TMPRSS6: variants seen among roughly 807,000 people sequenced by gnomAD.
TMPRSS6 encodes transmembrane serine protease 6.
A neutral mutation model predicts 101.5 loss-of-function variants in TMPRSS6; 67 were observed. The ratio of observed to expected loss-of-function variants is 0.66; its 90% confidence interval spans 0.54 to 0.81. TMPRSS6 has a LOEUF of 0.81. Among genes scored for constraint, TMPRSS6 ranks in the 30% least tolerant of loss-of-function variants. TMPRSS6 has a pLI of 0.00. For missense variants in TMPRSS6, 1,034 were observed against 1,088.7 expected, an observed-to-expected ratio of 0.95 and a Z score of 0.71; for synonymous variants, 453 against 464.9, an observed-to-expected ratio of 0.97 and a Z score of 0.33.
At position 37,074,695 on chromosome 22, in the gene TMPRSS6, CT is replaced by C. The variant is rs1384933966; in HGVS notation, c.1355del (p.Glu452GlyfsTer6). 1.2e-6 allele frequency: 2 copies of C among 1,614,100 alleles called. No homozygotes were observed. The highest frequency in any genetic ancestry group is 2.7e-5 in the African/African-American group (2 of 74,958). On this transcript the variant is annotated frameshift_variant, in exon 12 of 18. Coordinates refer to ENST00000676104, the MANE Select transcript of TMPRSS6 (RefSeq NM_001374504.1). LOFTEE classifies it high-confidence loss of function. ...AGAGTCCATTCACAGAACAGAGGAACTCTCCAGGGCAGGCTGCAAAACCACA... is the reference window on the plus strand; with the variant it reads ...AGAGTCCATTCACAGAACAGAGGAACCTCCAGGGCAGGCTGCAAAACCACA... ...LYNQSDPCPGEFLCSVNGLCV... is the reference protein window; with the variant it reads ...LYNQSDPCPGXFLCSVNGLCV...
chr22:37,089,543 A>AGGCC, intron 7 of TMPRSS6, 35 bp downstream of exon 7: 1 of 1,329,008 alleles, frequency 7.5e-7, no homozygotes, highest in Non-Finnish European at 1.1e-6. Context: ...TCCCTTTTCC[A>AGGCC]GCCCTCCCTC....
intron 10 of TMPRSS6, chr22:37,083,216 G>A (rs1034600077): frequency 1.1e-4 from 42 of 380,306 alleles, no homozygotes; most frequent in African/African-American, 8.3e-4. Flanking sequence ...CTTTCCTGAC[G>A]CTGACACGAT....
rs1049899218 is a variant in TMPRSS6, at chr22:37,073,012, G to T, written c.1555+520C>A. ...GATAGATGGATGATGGATGGATGAT[G>T]GATGGATGGATGGATGATGGACGGA... On this transcript the variant is annotated intron_variant, in intron 13 of 17. Transcript: ENST00000676104. Among the ~76,000 whole-genome samples the T allele has an allele frequency of 1.4e-3, 198 of 142,368 alleles. 1 individual carries two copies. The highest frequency in any genetic ancestry group is 4.2e-3 in the African/African-American group (162 of 38,176). The allele number at this position is 142,368 out of a possible 152,430, so 93.4% of individuals were successfully genotyped here. A position where few individuals can be genotyped will look rare whatever the true frequency, so the allele number is the denominator to read the frequency against.
At chr22:37,068,633 C>G (rs752187370) in intron 16 of TMPRSS6, 14 of 779,678 alleles carry the variant, frequency 1.8e-5, no homozygotes, top group South Asian at 1.7e-4. Context: ...TGTCTCTGAG[C>G]CTTGGTTTCT....
At chr22:37,075,051 T>G (rs1000434317) in intron 11 of TMPRSS6, 84 bp downstream of exon 11, 11 of 1,604,256 alleles carry the variant, frequency 6.9e-6, no homozygotes, top group African/African-American at 1.3e-5. Context: ...CATAAGCAGC[T>G]GCCCACAGCC....
chr22:37,070,812 T>G, intron 14 of TMPRSS6, 104 bp downstream of exon 14: 1 of 1,342,220 alleles, frequency 7.5e-7, no homozygotes, highest in Admixed American at 1.7e-5. Context: ...GAGGATGAGA[T>G]AGAGAGAGAC....
chr22:37,100,583 T>C lies in TMPRSS6; in HGVS notation c.203-2034A>G, dbSNP rs1930233040. On this transcript the variant is annotated intron_variant, in intron 2 of 17. Coordinates refer to ENST00000676104, the MANE Select transcript of TMPRSS6 (RefSeq NM_001374504.1). ...GGGAAGGTGCCAGAAAGAAGTGGTC[T>C]TGGACTGGGATGTTGGAGGTACAGG... Among the ~76,000 whole-genome samples, 3 of 152,300 alleles carry C rather than the reference T, an allele frequency of 2.0e-5. No individual in the cohort carries two copies. The South Asian group carries it at 6.2e-4, about 32-fold the overall frequency.
At chr22:37,075,082 G>A (rs1927499582) in intron 11 of TMPRSS6, 53 bp downstream of exon 11, 5 of 1,613,240 alleles carry the variant, frequency 3.1e-6, no homozygotes, top group African/African-American at 1.3e-5. Context: ...TTCCAGGGAT[G>A]GCCAAGAGGC....
intron 11 of TMPRSS6, 72 bp downstream of exon 11, chr22:37,075,063 C>G (rs1410191788): frequency 1.2e-6 from 2 of 1,610,696 alleles, no homozygotes; most frequent in Non-Finnish European, 1.7e-6. Context: ...CCCACAGCCC[C>G]CTTGGTGGTT....
chr22:37,090,060 G>A (rs1929129324), intron 6 of TMPRSS6, among the ~76,000 whole-genome samples: 1 of 152,240 alleles, frequency 6.6e-6, no homozygotes, highest in Non-Finnish European at 1.5e-5. Context: ...GCTGCCTGGG[G>A]ACATGGATGA....
chr22:37,102,101 T>C (rs1930365248), intron 2 of TMPRSS6, among the ~76,000 whole-genome samples: 1 of 152,210 alleles, frequency 6.6e-6, no homozygotes, highest in African/African-American at 2.4e-5. Flanking sequence ...TGCTACAAAG[T>C]TGGTCCCCAG....
At chr22:37,081,988 C>G (rs924555051) in intron 10 of TMPRSS6, among the ~76,000 whole-genome samples, 3 of 152,374 alleles carry the variant, frequency 2.0e-5, no homozygotes, top group African/African-American at 7.2e-5. Context: ...TCCACACTCT[C>G]TCTGTCATTA....
At chr22:37,096,818 T>C in intron 3 of TMPRSS6, 103 bp from the exon 4 acceptor site, 2 of 1,131,778 alleles carry the variant, frequency 1.8e-6, no homozygotes, top group Non-Finnish European at 2.6e-6. Flanking sequence ...CCCCGCTCCA[T>C]GCATGATTCT....
intron 3 of TMPRSS6, 84 bp downstream of exon 3, chr22:37,098,332 C>G (rs541276609): frequency 6.2e-7 from 1 of 1,605,586 alleles, no homozygotes; most frequent in African/African-American, 1.3e-5. Flanking sequence ...GATGGGTTGA[C>G]CAACTGGCTC....
intron 13 of TMPRSS6, 45 bp downstream of exon 13, chr22:37,073,487 A>G: frequency 7.3e-7 from 1 of 1,365,106 alleles, no homozygotes. Context: ...GCAGGCCTAG[A>G]CTGCCTTTGG....
chr22:37,098,696 C>T (rs1930043678), intron 2 of TMPRSS6, 147 bp from the exon 3 acceptor site: 1 of 1,067,912 alleles, frequency 9.4e-7, no homozygotes. Flanking sequence ...TCATCATCAT[C>T]TTTGTCACTC....
At chr22:37,091,184 G>C (rs956463270) in intron 6 of TMPRSS6, among the ~76,000 whole-genome samples, 3 of 152,218 alleles carry the variant, frequency 2.0e-5, no homozygotes, top group African/African-American at 7.2e-5. Flanking sequence ...GTTCTCTCCC[G>C]TGGAGCATCC....
chr22:37,108,739 G>A (rs1930870760), intron 1 of TMPRSS6, among the ~76,000 whole-genome samples: 1 of 152,314 alleles, frequency 6.6e-6, no homozygotes, highest in Admixed American at 6.5e-5. Context: ...TAATGGCTGG[G>A]GAAACTGAGG....
At chr22:37,070,814 G>T in intron 14 of TMPRSS6, 102 bp downstream of exon 14, 1 of 1,358,200 alleles carries the variant, frequency 7.4e-7, no homozygotes, top group South Asian at 1.2e-5. Flanking sequence ...GGATGAGATA[G>T]AGAGAGACCA....
Sources: gnomAD v4.1 joint callset for allele counts (sites outside exome capture counted in the v4.1 genomes callset) on GRCh38, gnomAD v4.1.1 for gene constraint, MANE v1.5 for transcripts, NCBI Gene and HGNC (gene_info 2026-07-23, HGNC 2026-07-21) for gene names.